SHPRH: variants seen among roughly 807,000 people sequenced by gnomAD.
SHPRH encodes the protein E3 ubiquitin-protein ligase SHPRH.
A neutral mutation model predicts 202.5 loss-of-function variants in SHPRH; 106 were observed. The ratio of observed to expected loss-of-function variants is 0.52; its 90% CI spans 0.45 to 0.62. SHPRH has a LOEUF of 0.62. Ranked by LOEUF, SHPRH falls within the 20% of genes least tolerant of loss-of-function variation. The pLI, the probability that SHPRH is intolerant of heterozygous loss-of-function variation, is 0.00. For missense variants in SHPRH, 1,710 were observed against 2,020.0 expected, an observed-to-expected ratio of 0.85 and a Z score of 2.94; for synonymous variants, 729 against 686.0, an observed-to-expected ratio of 1.06 and a Z score of -0.98.
At chr6:145,953,306 G>A (rs143256685) in intron 2 of SHPRH, among the ~76,000 whole-genome samples, 22 of 152,074 alleles carry the variant, frequency 1.4e-4, no homozygotes, top group African/African-American at 3.1e-4. Context: ...GTCTTGGCTC[G>A]CTTGGTGATG....
At chr6:145,862,687 G>T (rs1779624951), downstream of SHPRH, 1 of 152,194 alleles carries the variant, frequency 6.6e-6, no homozygotes, top group Admixed American at 6.5e-5. Flanking sequence ...AATTTCTTCT[G>T]TGTTTCAGCT....
Position 145,943,331 on chromosome 6 carries a change from G to A in SHPRH, c.2050C>T (p.Gln684Ter). ...RVQCLKCHLW[Q>*]HAKCVNYDEK... ...TCATAATTCACACACTTTGCATGTT[G>A]CCACAGGTGACACTTCAGGCATTGA... is the stretch of plus-strand genomic sequence containing the variant. Residue 684 changes from glutamine (Q) to a stop codon, truncating the protein, a stop_gained, in exon 9 of 30, where the codon CAA (glutamine) becomes TAA (stop). Coordinates refer to ENST00000275233, the MANE Select transcript of SHPRH (RefSeq NM_001042683.3). LOFTEE classifies it high-confidence loss of function. 1 of 1,613,836 alleles carries A rather than the reference G, an allele frequency of 6.2e-7. No individual in the cohort carries two copies.
intron 11 of SHPRH, among the ~76,000 whole-genome samples, chr6:145,937,173 G>A (rs918078236): frequency 1.3e-5 from 2 of 151,614 alleles, no homozygotes. Flanking sequence ...TAGTAGAGAC[G>A]AGGCTTCATC....
rs765329645 is a variant in SHPRH, at chr6:145,943,794, C to G, written c.1587G>C (p.Gly529=). Residue 529 remains glycine, a synonymous_variant, in exon 9 of 30, where the codon GGG becomes GGC. Coordinates refer to ENST00000275233, the MANE Select transcript of SHPRH (RefSeq NM_001042683.3). ...ICDKTKKQAV[G]SPRKIQKETR... ...TTTCTTTCTGAATTTTCCTTGGACT[C>G]CCTACTGCCTATGAAAAAAATATTT... 1 of 1,565,928 alleles carries G rather than the reference C, an allele frequency of 6.4e-7. No homozygotes were observed. The highest frequency in any genetic ancestry group is 2.2e-5 in the East Asian group (1 of 44,528).
chr6:145,879,910 CAAAAAAAAAAAAAA>C (rs67055862), downstream of SHPRH, among the ~76,000 whole-genome samples: 1 of 61,100 alleles, frequency 1.6e-5, no homozygotes, highest in African/African-American at 7.1e-5. Context: ...AACTCAATCT[CAAAAAAAAAAAAAA>C]AAAAAAAAGG....
chr6:145,906,839 T>C (rs1583352876), intron 25 of SHPRH: 1 of 152,174 alleles, frequency 6.6e-6, no homozygotes. Context: ...GTGACCTCAT[T>C]AGACAAATTA....
At chr6:145,939,936 G>A (rs1323399561) in intron 11 of SHPRH, among the ~76,000 whole-genome samples, 1 of 152,004 alleles carries the variant, frequency 6.6e-6, no homozygotes, top group Non-Finnish European at 1.5e-5. Flanking sequence ...TTGAAGATGA[G>A]TATTTACTAC....
intron 13 of SHPRH, 92 bp from the exon 14 acceptor site, chr6:145,933,270 T>C (rs1323421479): frequency 9.1e-6 from 14 of 1,539,762 alleles, no homozygotes; most frequent in South Asian, 1.2e-5. Context: ...CAAGAGTGTA[T>C]GAGACTCGCA....
chr6:145,957,316 A>G (rs977965016), intron 1 of SHPRH, among the ~76,000 whole-genome samples: 2 of 152,160 alleles, frequency 1.3e-5, no homozygotes, highest in African/African-American at 4.8e-5. Context: ...AAAATTTTTA[A>G]GCAGGAAACA....
chr6:145,909,322 T>A (rs1213811837), intron 25 of SHPRH: 1 of 152,136 alleles, frequency 6.6e-6, no homozygotes, highest in Non-Finnish European at 1.5e-5. Context: ...ATGCTGTGTC[T>A]ATGAGGCCTA....
intron 14 of SHPRH, among the ~76,000 whole-genome samples, chr6:145,931,268 T>C (rs146589944): frequency 3.3e-5 from 5 of 152,236 alleles, no homozygotes; most frequent in Admixed American, 6.5e-5. Flanking sequence ...ATCTACCATC[T>C]TGCTGTTTGT....
chr6:145,961,810 C>A (rs1341011851), intron 1 of SHPRH, among the ~76,000 whole-genome samples: 1 of 152,162 alleles, frequency 6.6e-6, no homozygotes, highest in Non-Finnish European at 1.5e-5. Context: ...AATCAACCAA[C>A]CAAACAAAAA....
At chr6:145,867,637 G>T (rs867311162) in intron 2 of SHPRH, among the ~76,000 whole-genome samples, 1,222 of 61,674 alleles carry the variant, frequency 0.02, 3 homozygotes, top group East Asian at 0.042. Flanking sequence ...TATATAGAGA[G>T]AGAGAGAGAG....
chr6:145,957,291 C>CA lies in SHPRH; in HGVS notation c.-32-1938dup, dbSNP rs142727372. ...AAACCTAAATGACATTGGATTAGCC[C>CA]AAAAAAAAGGCACAAAAATTTTTAA... is the stretch of plus-strand genomic sequence containing the variant. On this transcript the variant is annotated intron_variant, in intron 1 of 29. Coordinates refer to ENST00000275233, the MANE Select transcript of SHPRH (RefSeq NM_001042683.3). Among the ~76,000 whole-genome samples the CA allele has an allele frequency of 4.9e-3, 738 of 150,852 alleles. 4 individuals are homozygous for CA. Among genetic ancestry groups the CA allele is most frequent in the Middle Eastern group, 0.014 (4 of 294 alleles).
At chr6:145,961,090 C>G (rs1789044184) in intron 1 of SHPRH, among the ~76,000 whole-genome samples, 1 of 151,942 alleles carries the variant, frequency 6.6e-6, no homozygotes, top group Admixed American at 6.6e-5. Context: ...TGCAATGCAG[C>G]CCGGTTCTAA....
In SHPRH at chr6:145,920,255, CA is replaced by C. The variant is rs541737909; in HGVS notation, c.4009-765del. ...TATGTACCAAGACCTGGGAGAACTG[CA>C]CAGTAAGCTCTCTTCTGGACAAAGG... On this transcript the variant is annotated intron_variant, in intron 21 of 29. Coordinates refer to ENST00000275233, the MANE Select transcript of SHPRH (RefSeq NM_001042683.3). Among the ~76,000 whole-genome samples, 7 of 152,170 alleles carry C rather than the reference CA, an allele frequency of 4.6e-5. No individual in the cohort carries two copies. The South Asian group carries it at 1.4e-3, about 32-fold the overall frequency.
intron 24 of SHPRH, among the ~76,000 whole-genome samples, chr6:145,912,511 T>C (rs576232535): frequency 6.6e-6 from 1 of 152,138 alleles, no homozygotes; most frequent in South Asian, 2.1e-4. Flanking sequence ...CTACTTTATG[T>C]CATGATTTCT....
chr6:145,904,541 G>C (rs1782778292), intron 25 of SHPRH: 1 of 152,324 alleles, frequency 6.6e-6, no homozygotes, highest in Non-Finnish European at 1.5e-5. Context: ...ATAAGCTGAT[G>C]TTTCAAGGAG....
At chr6:145,862,470 A>G (rs2128682378), downstream of SHPRH, among the ~76,000 whole-genome samples, 1 of 151,982 alleles carries the variant, frequency 6.6e-6, no homozygotes, top group Non-Finnish European at 1.5e-5. Context: ...ACAAAAAACA[A>G]AAAGAAAAAA....
Sources: allele counts gnomAD v4.1 joint callset (sites outside exome capture counted in the v4.1 genomes callset), GRCh38; gene constraint gnomAD v4.1.1; transcripts MANE v1.5; gene names NCBI Gene and HGNC (gene_info 2026-07-23, HGNC 2026-07-21).